The following HS6ST2 variants were observed in gnomAD, a reference collection of about 807,000 sequenced individuals.
HS6ST2 encodes the protein heparan-sulfate 6-O-sulfotransferase 2.
HS6ST2 carries 17 observed loss-of-function variants against 33.0 expected under a neutral mutation model. That is an observed-to-expected ratio of 0.52 (90% CI 0.35 to 0.77). The LOEUF (loss-of-function observed/expected upper bound fraction) is 0.77. Among genes scored for constraint, HS6ST2 ranks in the 30% least tolerant of loss-of-function variants. The pLI, the probability that HS6ST2 is intolerant of heterozygous loss-of-function variation, is 0.01. For synonymous variants in HS6ST2, 248 were observed against 237.1 expected, an observed-to-expected ratio of 1.05 and a Z score of -0.42; for missense variants, 519 against 551.7, an observed-to-expected ratio of 0.94 and a Z score of 0.59.
intron 2 of HS6ST2, among the ~76,000 whole-genome samples, chrX:132,869,491 T>C (rs2066033717): frequency 8.9e-6 from 1 of 111,789 alleles, no homozygotes; most frequent in African/African-American, 3.2e-5. Context: ...CAATATCCTT[T>C]ATGAACATTG....
rs12688563 is a variant in HS6ST2, at chrX:132,950,787, C to T, written c.947+6021G>A. Among the ~76,000 whole-genome samples the T allele has an allele frequency of 6.1e-3, 682 of 111,495 alleles. 18 individuals are homozygous for T. In the East Asian group the frequency reaches 0.094, roughly 15 times the overall value. ...GTGCATATTATTACCAGTTTGAAAC[C>T]TTTTCGTTTTGGCTTTTTTTTGACA... On this transcript the variant is annotated intron_variant, in intron 2 of 4. Transcript: ENST00000370833.
At chrX:132,799,766 C>A (rs1355768517) in intron 2 of HS6ST2, among the ~76,000 whole-genome samples, 1 of 111,374 alleles carries the variant, frequency 9.0e-6, no homozygotes, top group Non-Finnish European at 1.9e-5. Flanking sequence ...CCTCTCTGAG[C>A]TCCACTTTCT....
intron 2 of HS6ST2, among the ~76,000 whole-genome samples, chrX:132,838,192 A>G (rs1407068722): frequency 8.9e-6 from 1 of 111,838 alleles, no homozygotes; most frequent in Non-Finnish European, 1.9e-5. Flanking sequence ...GCAAAGCTTT[A>G]CAACACACTA....
At chrX:132,892,827 A>G (rs1465860238) in intron 2 of HS6ST2, among the ~76,000 whole-genome samples, 1 of 111,486 alleles carries the variant, frequency 9.0e-6, no homozygotes, top group Non-Finnish European at 1.9e-5. Context: ...TTAAAAAGAA[A>G]CCCAAACACA....
chrX:132,802,752 G>A (rs2065246646), intron 2 of HS6ST2, among the ~76,000 whole-genome samples: 1 of 109,471 alleles, frequency 9.1e-6, no homozygotes, highest in East Asian at 2.9e-4. Context: ...GATTTTTCCA[G>A]GCTCAGCAAA....
At chrX:132,859,049 C>T (rs2065882603) in intron 2 of HS6ST2, among the ~76,000 whole-genome samples, 1 of 112,044 alleles carries the variant, frequency 8.9e-6, no homozygotes, top group Non-Finnish European at 1.9e-5. Flanking sequence ...CAGTCTTTGA[C>T]CTGCTATATT....
chrX:132,904,187 C>A (rs184031505), intron 2 of HS6ST2, among the ~76,000 whole-genome samples: 2 of 112,283 alleles, frequency 1.8e-5, no homozygotes, highest in East Asian at 5.6e-4. Context: ...TAATTTACCA[C>A]CTAATATAGT....
chrX:132,794,175 A>T (rs1056335384), intron 2 of HS6ST2, among the ~76,000 whole-genome samples: 1 of 112,075 alleles, frequency 8.9e-6, no homozygotes, highest in Non-Finnish European at 1.9e-5. Flanking sequence ...ACTAGCTCTC[A>T]TATCAGAAAT....
chrX:132,885,025 C>T (rs766198302), intron 2 of HS6ST2, among the ~76,000 whole-genome samples: 8 of 111,557 alleles, frequency 7.2e-5, no homozygotes, highest in African/African-American at 1.3e-4. Flanking sequence ...CCCAAGAGAA[C>T]CAAAAAGATG....
chrX:132,931,990 T>A (rs989942928), intron 2 of HS6ST2, among the ~76,000 whole-genome samples: 3 of 108,731 alleles, frequency 2.8e-5, no homozygotes, highest in Admixed American at 9.7e-5. Flanking sequence ...ATCGAGACCA[T>A]CCTGGCTAAC....
At chrX:132,755,024 T>C (rs773927962) in intron 2 of HS6ST2, among the ~76,000 whole-genome samples, 15 of 111,671 alleles carry the variant, frequency 1.3e-4, no homozygotes, top group African/African-American at 4.9e-4. Flanking sequence ...TACTATACTC[T>C]TTTACAAGGA....
intron 2 of HS6ST2, among the ~76,000 whole-genome samples, chrX:132,730,219 G>C (rs1275168136): frequency 8.9e-6 from 1 of 112,060 alleles, no homozygotes. Context: ...TAACACAGCA[G>C]CTATCATTTG....
At chrX:132,844,658 A>G (rs983865274) in intron 2 of HS6ST2, among the ~76,000 whole-genome samples, 2 of 110,769 alleles carry the variant, frequency 1.8e-5, no homozygotes, top group Non-Finnish European at 3.8e-5. Context: ...TCCCAACACC[A>G]CAGGGACTCC....
At chrX:132,776,247 C>T (rs1473862942) in intron 2 of HS6ST2, among the ~76,000 whole-genome samples, 1 of 111,808 alleles carries the variant, frequency 8.9e-6, no homozygotes, top group African/African-American at 3.2e-5. Context: ...TGTCGCAAGA[C>T]ACAGTTGCAA....
intron 2 of HS6ST2, among the ~76,000 whole-genome samples, chrX:132,754,421 T>C (rs1210176618): frequency 1.8e-5 from 2 of 108,181 alleles, no homozygotes; most frequent in Non-Finnish European, 3.8e-5. Context: ...TACTGCACTT[T>C]TTTTTTTTTT....
At chrX:132,924,973 C>T (rs1164425187) in intron 2 of HS6ST2, among the ~76,000 whole-genome samples, 1 of 111,282 alleles carries the variant, frequency 9.0e-6, no homozygotes, top group Non-Finnish European at 1.9e-5. Flanking sequence ...CCCAGCTACT[C>T]AGGAGGTGGA....
At chrX:132,739,715 A>G (rs1295060951) in intron 2 of HS6ST2, among the ~76,000 whole-genome samples, 1 of 96,122 alleles carries the variant, frequency 1.0e-5, no homozygotes, top group African/African-American at 3.9e-5. Context: ...ACTCCATTTC[A>G]AAAAAAAAAA....
In HS6ST2 at chrX:132,956,961, C is replaced by A; in HGVS notation, c.794G>T (p.Cys265Phe). Reference protein sequence around the residue: ...PCECRVGQKKCTCHRPGKRET... With the variant: ...PCECRVGQKKFTCHRPGKRET... ...CCGCTTACCCGGCCGGTGGCAAGTG[C>A]ATTTCTTCTGACCCACGCGGCACTC... is the stretch of plus-strand genomic sequence containing the variant. The change falls in exon 2 of 5, where the codon TGC becomes TTC. Residue 265 changes from cysteine (C) to phenylalanine (F), a missense_variant. Transcript: ENST00000370833. 2 of 1,210,069 alleles carry A rather than the reference C, an allele frequency of 1.7e-6. No homozygotes were observed. The highest frequency in any genetic ancestry group is 2.2e-6 in the Non-Finnish European group (2 of 894,582).
rs781712947 is a variant in HS6ST2 at position 132,774,584 on chromosome X, C to T, written c.948-66090G>A. 7.1e-5 allele frequency among the ~76,000 whole-genome samples: 8 copies of T among 112,148 alleles called. No homozygotes were observed. The Admixed American group carries it at 7.6e-4, about 11-fold the overall frequency. Reference sequence around the variant, plus strand: ...AACAGATCAGCATGACCTATATTTACAGATTTACAGGAATCATCACAATTC... The same window carrying T: ...AACAGATCAGCATGACCTATATTTATAGATTTACAGGAATCATCACAATTC... On this transcript the variant is annotated intron_variant, in intron 2 of 4. Coordinates refer to ENST00000370833, the MANE Select transcript of HS6ST2 (RefSeq NM_001394073.1).
Sources: allele counts gnomAD v4.1 joint callset (sites outside exome capture counted in the v4.1 genomes callset), GRCh38; gene constraint gnomAD v4.1.1; transcripts MANE v1.5; gene names NCBI Gene and HGNC (gene_info 2026-07-23, HGNC 2026-07-21).